ABCC11: variants seen among roughly 807,000 people sequenced by gnomAD.
ABCC11 encodes the protein ATP binding cassette subfamily C member 11.
A neutral mutation model predicts 149.3 loss-of-function variants in ABCC11; 135 were observed. That is an observed-to-expected ratio of 0.90 (90% CI 0.79 to 1.04). The LOEUF (loss-of-function observed/expected upper bound fraction) is 1.04. ABCC11 is among the 50% of genes least tolerant of loss of function. The probability of loss-of-function intolerance (pLI) is 0.00; values close to 1 mark genes in which losing one functional copy is unlikely to be tolerated. For missense variants in ABCC11, 1,680 were observed against 1,722.1 expected (o/e 0.98, Z 0.43); for synonymous variants, 665 against 671.4 (o/e 0.99, Z 0.15).
chr16:48,191,289 A>G (rs1022263272), intron 20 of ABCC11, among the ~76,000 whole-genome samples: 1 of 152,222 alleles, frequency 6.6e-6, no homozygotes, highest in Non-Finnish European at 1.5e-5. Context: ...TAATCCCAGC[A>G]CTTTAGGAGG....
chr16:48,196,820 A>T (rs80313058), intron 17 of ABCC11, among the ~76,000 whole-genome samples: 12,287 of 152,264 alleles, frequency 0.081, 547 homozygotes, highest in African/African-American at 0.11. Flanking sequence ...TGGCCTGAAG[A>T]CCGGTACCTG....
At chr16:48,203,392 G>T in intron 13 of ABCC11, 92 bp from the exon 14 acceptor site, 2 of 1,230,874 alleles carry the variant, frequency 1.6e-6, no homozygotes, top group Non-Finnish European at 1.2e-6. Flanking sequence ...TGATTTTCAT[G>T]CTAAGAAATT....
chr16:48,184,617 C>A lies in ABCC11; in HGVS notation c.3081G>T (p.Arg1027Ser). The A allele has an allele frequency of 6.2e-7, 1 of 1,613,814 alleles. No individual in the cohort carries two copies. The highest frequency in any genetic ancestry group is 8.5e-7 in the Non-Finnish European group (1 of 1,179,792). ...KTEDFISQFKRLTDAQNNYLL... is the reference protein window; with the variant it reads ...KTEDFISQFKSLTDAQNNYLL... ...GGTAGTTATTCTGCGCATCAGTCAGCCTCTTAAACCTGAGAAGGAAAGCAC... is the reference window on the plus strand; with the variant it reads ...GGTAGTTATTCTGCGCATCAGTCAGACTCTTAAACCTGAGAAGGAAAGCAC... Residue 1027 changes from arginine (R) to serine (S), a missense_variant, in exon 23 of 30, where the codon AGG (arginine) becomes AGT (serine). By Grantham distance (110) the Arg-to-Ser change is moderately radical (BLOSUM62 -1). Coordinates refer to ENST00000356608, the MANE Select transcript of ABCC11 (RefSeq NM_001370497.1).
At chr16:48,216,941 C>G (rs1969386525) in intron 6 of ABCC11, among the ~76,000 whole-genome samples, 1 of 152,198 alleles carries the variant, frequency 6.6e-6, no homozygotes, top group African/African-American at 2.4e-5. Flanking sequence ...CAGACCTCCC[C>G]TCTCATTCCA....
At chr16:48,180,768 C>T (rs142633055) in intron 23 of ABCC11, among the ~76,000 whole-genome samples, 61 of 152,208 alleles carry the variant, frequency 4.0e-4, no homozygotes, top group African/African-American at 1.2e-3. Flanking sequence ...GGCTTCTGAA[C>T]GGGGCAGTGA....
chr16:48,207,246 G>C (rs1968525060), intron 12 of ABCC11, among the ~76,000 whole-genome samples: 1 of 152,236 alleles, frequency 6.6e-6, no homozygotes, highest in Admixed American at 6.5e-5. Flanking sequence ...GGAAGGGCTG[G>C]TGTAAGACGC....
At chr16:48,240,243 TA>T (rs199829839) in intron 1 of ABCC11, among the ~76,000 whole-genome samples, 3,370 of 152,296 alleles carry the variant, frequency 0.022, 51 homozygotes, top group Non-Finnish European at 0.035. Flanking sequence ...ACTGCAGCAC[TA>T]GTCACAATAA....
At position 48,231,894 on chromosome 16, in the gene ABCC11, G is replaced by A; in HGVS notation, c.28C>T (p.Pro10Ser). MTRKRTYWV[P>S]NSSGGLVNRG... Reference sequence around the variant, plus strand: ...TTCACGAGGCCACCAGAAGAGTTGGGCACCCAGTATGTCCTCTTCCTAGTC... The same window carrying A: ...TTCACGAGGCCACCAGAAGAGTTGGACACCCAGTATGTCCTCTTCCTAGTC... The change falls in exon 2 of 30, where the codon CCC becomes TCC. Residue 10 changes from proline (P) to serine (S), a missense_variant. Pro to Ser is a moderately conservative substitution (Grantham distance 74). Coordinates refer to ENST00000356608, the MANE Select transcript of ABCC11 (RefSeq NM_001370497.1). The A allele has an allele frequency of 2.5e-6, 4 of 1,614,140 alleles. No individual in the cohort carries two copies. The highest frequency in any genetic ancestry group is 3.4e-6 in the Non-Finnish European group (4 of 1,180,010).
In ABCC11 at chr16:48,214,932, C is replaced by A; in HGVS notation, c.1197G>T (p.Ala399=). ...AGGATGTGTGGATGAGAACCCAGAC[C>A]GCTGTGGCCACTGTGGGGATGATGA... ...TLFIIPTVAT[A]VWVLIHTSLK... is the part of the protein sequence containing the mutation. The change falls in exon 9 of 30, where the codon GCG becomes GCT. Residue 399 remains alanine (A), a synonymous_variant. Transcript: ENST00000356608. The A allele has an allele frequency of 6.2e-7, 1 of 1,614,070 alleles. No individual in the cohort carries two copies.
At chr16:48,221,571 G>T (rs1005680436) in intron 6 of ABCC11, among the ~76,000 whole-genome samples, 12 of 152,206 alleles carry the variant, frequency 7.9e-5, no homozygotes, top group Non-Finnish European at 1.6e-4. Context: ...TTCCCTGGAA[G>T]ATTTCCCTAA....
rs114017240 is a variant in ABCC11 at position 48,231,474 on chromosome 16, C to A, written c.99+349G>T. Among the ~76,000 whole-genome samples the A allele has an allele frequency of 7.6e-3, 1,152 of 151,872 alleles. 15 individuals carry two copies. Among genetic ancestry groups the A allele is most frequent in the African/African-American group, 0.027 (1,099 of 41,414 alleles). On this transcript the variant is annotated intron_variant, in intron 2 of 29. Transcript: ENST00000356608. Reference sequence around the variant, plus strand: ...GCCAGGAGTTCATGACAAGCCTGGGCAACATAGGGAGACCCCCATTTCTGT... The same window carrying A: ...GCCAGGAGTTCATGACAAGCCTGGGAAACATAGGGAGACCCCCATTTCTGT...
intron 14 of ABCC11, among the ~76,000 whole-genome samples, chr16:48,200,691 A>G (rs540953473): frequency 6.6e-6 from 1 of 152,340 alleles, no homozygotes; most frequent in South Asian, 2.1e-4. Context: ...TCGTGGAGGT[A>G]GAGAGTAGAA....
chr16:48,226,072 C>CATTATTATT (rs141311389), intron 4 of ABCC11, among the ~76,000 whole-genome samples: 12 of 150,130 alleles, frequency 8.0e-5, no homozygotes, highest in African/African-American at 3.0e-4. Flanking sequence ...TTTCCAGGTA[C>CATTATTATT]ATTATTATTA....
chr16:48,165,034 T>G (rs954243722), downstream of ABCC11: 1 of 152,036 alleles, frequency 6.6e-6, no homozygotes, highest in African/African-American at 2.4e-5. Flanking sequence ...ATCACCGCAT[T>G]TTTGGGACGA....
chr16:48,237,747 G>C (rs752724062), intron 1 of ABCC11, among the ~76,000 whole-genome samples: 10 of 152,128 alleles, frequency 6.6e-5, no homozygotes, highest in Non-Finnish European at 1.0e-4. Context: ...CCCAAGCTCA[G>C]ACATTCCAGG....
chr16:48,234,150 G>A (rs1464177911), intron 1 of ABCC11, among the ~76,000 whole-genome samples: 1 of 152,150 alleles, frequency 6.6e-6, no homozygotes, highest in East Asian at 1.9e-4. Flanking sequence ...CATCATGGCC[G>A]ATTTCGTGAT....
rs1968869364 is a variant in ABCC11, at chr16:48,210,952, G to A, written c.1604C>T (p.Ser535Phe). 6.2e-7 allele frequency: 1 copy of A among 1,613,900 alleles called. No individual in the cohort carries two copies. Among genetic ancestry groups the A allele is most frequent in the African/African-American group, 1.3e-5 (1 of 74,920 alleles). Reference sequence around the variant, plus strand: ...GCGTGGCCTGAACAAGGCTACCTTGGACACCACCAGGTTGATCTTGTGCAA... The same window carrying A: ...GCGTGGCCTGAACAAGGCTACCTTGAACACCACCAGGTTGATCTTGTGCAA... Reference protein sequence around the residue: ...PELHKINLVVSKGMMLGVCGN... With the variant: ...PELHKINLVVFKGMMLGVCGN... The change falls in exon 11 of 30, where the codon TCC (serine) becomes TTC (phenylalanine). Residue 535 changes from serine to phenylalanine, a missense_variant. Coordinates refer to ENST00000356608, the MANE Select transcript of ABCC11 (RefSeq NM_001370497.1).
chr16:48,228,047 GA>G, intron 3 of ABCC11, 83 bp from the exon 4 acceptor site: 1 of 1,346,868 alleles, frequency 7.4e-7, no homozygotes, highest in Non-Finnish European at 1.0e-6. Flanking sequence ...AAAACACAAC[GA>G]GGTTACCCAG....
intron 22 of ABCC11, 88 bp downstream of exon 22, chr16:48,186,865 T>C: frequency 6.7e-7 from 1 of 1,501,332 alleles, no homozygotes; most frequent in Non-Finnish European, 9.0e-7. Context: ...CTTTTGAAGA[T>C]GATGCCACTC....
Sources: allele counts gnomAD v4.1 joint callset (sites outside exome capture counted in the v4.1 genomes callset), GRCh38; gene constraint gnomAD v4.1.1; transcripts MANE v1.5; gene names NCBI Gene and HGNC (gene_info 2026-07-23, HGNC 2026-07-21).